The following FAM13B variants were observed in gnomAD, a reference collection of about 807,000 sequenced individuals.
FAM13B encodes family with sequence similarity 13 member B, also known as protein FAM13B.
Under a neutral mutation model 117.3 loss-of-function variants are expected in FAM13B, and 60 were observed. The observed-to-expected ratio is 0.51, with a 90% CI of 0.42 to 0.63. FAM13B has a LOEUF of 0.63. Among genes scored for constraint, FAM13B ranks in the 30% least tolerant of loss-of-function variants. The probability of loss-of-function intolerance (pLI) is 0.00; values close to 1 mark genes in which losing one functional copy is unlikely to be tolerated. For missense variants in FAM13B, 972 were observed against 1,091.9 expected (o/e 0.89, Z 1.55); for synonymous variants, 332 against 356.1 (o/e 0.93, Z 0.76).
intron 5 of FAM13B, among the ~76,000 whole-genome samples, chr5:138,011,475 T>C (rs1454060802): frequency 1.3e-5 from 2 of 151,964 alleles, no homozygotes; most frequent in African/African-American, 2.4e-5. Context: ...CTGGAGTGCA[T>C]TGGCGCGATC....
intron 5 of FAM13B, among the ~76,000 whole-genome samples, chr5:138,011,424 T>C (rs1783972895): frequency 6.7e-6 from 1 of 148,296 alleles, no homozygotes; most frequent in Admixed American, 6.8e-5. Flanking sequence ...TAATTTTTCT[T>C]TTTTTTTTTT....
intron 10 of FAM13B, among the ~76,000 whole-genome samples, chr5:137,980,176 GAAAAA>G (rs528372296): frequency 2.6e-5 from 3 of 114,018 alleles, no homozygotes; most frequent in Admixed American, 1.8e-4. Flanking sequence ...TCCGTCTCAA[GAAAAA>G]AAAAAAAAAG....
At chr5:138,030,714 C>A (rs948396448) in intron 1 of FAM13B, among the ~76,000 whole-genome samples, 3 of 138,668 alleles carry the variant, frequency 2.2e-5, no homozygotes, top group South Asian at 2.5e-4. Context: ...AACTCCGTCC[C>A]CCCCCCCCAA....
chr5:137,984,320 C>T lies in FAM13B; in HGVS notation c.1179+937G>A, dbSNP rs143890819. 2.6e-3 allele frequency among the ~76,000 whole-genome samples: 401 copies of T among 152,326 alleles called. 2 individuals carry two copies. The highest frequency in any genetic ancestry group is 4.4e-3 in the Non-Finnish European group (301 of 68,028). On this transcript the variant is annotated intron_variant, in intron 10 of 23. Coordinates refer to ENST00000689681, the MANE Select transcript of FAM13B (RefSeq NM_001385994.1). ...CTCCATTTCTACGGGTGTCTCCTCT[C>T]TGTACGAGCAAGAGAAAGATGACTC...
Position 137,960,195 on chromosome 5 carries a change from C to A in FAM13B, c.1264G>T (p.Asp422Tyr). ...CLEREEYLLF[D>Y]SDKLSHLILD... is the part of the protein sequence containing the mutation. ...ATCAAGTGTGACAATTTATCACTGT[C>A]AAATAACAAATATTCTTCCCTAAAA... The change falls in exon 12 of 24, where the codon GAC becomes TAC. Residue 422 changes from aspartate (D) to tyrosine (Y), a missense_variant. Physicochemically the swap from Asp to Tyr is radical, Grantham distance 160 (BLOSUM62 -3). Transcript: ENST00000689681. 6.6e-7 allele frequency: 1 copy of A among 1,524,376 alleles called. No homozygotes were observed. Among genetic ancestry groups the A allele is most frequent in the Non-Finnish European group, 9.0e-7 (1 of 1,113,688 alleles). The allele number at this position is 1,524,376 out of a possible 1,614,324, so 94.4% of individuals were successfully genotyped here.
chr5:137,986,685 G>C (rs575999737), intron 9 of FAM13B, among the ~76,000 whole-genome samples: 2 of 152,232 alleles, frequency 1.3e-5, no homozygotes, highest in East Asian at 3.9e-4. Flanking sequence ...TTTCAGATTT[G>C]TTTTGTTTGT....
chr5:137,960,127 G>T (rs952366707), intron 12 of FAM13B, 39 bp downstream of exon 12: 2 of 1,249,052 alleles, frequency 1.6e-6, no homozygotes, highest in South Asian at 2.6e-5. Context: ...TTAAACCTAG[G>T]CAAGTTTTTA....
chr5:138,026,881 G>A (rs577128655), intron 1 of FAM13B, among the ~76,000 whole-genome samples: 2 of 151,684 alleles, frequency 1.3e-5, no homozygotes, highest in Admixed American at 1.3e-4. Context: ...GGAGGTTACA[G>A]TGAGCCGAGA....
At chr5:137,945,602 C>G (rs1256959454) in intron 20 of FAM13B, among the ~76,000 whole-genome samples, 1 of 152,200 alleles carries the variant, frequency 6.6e-6, no homozygotes, top group Non-Finnish European at 1.5e-5. Context: ...TTAGGCACAT[C>G]ACTCACTGCC....
At chr5:138,001,885 T>C (rs1781351420) in intron 7 of FAM13B, among the ~76,000 whole-genome samples, 1 of 152,086 alleles carries the variant, frequency 6.6e-6, no homozygotes, top group South Asian at 2.1e-4. Flanking sequence ...TAAAGAATTT[T>C]GTTATGGCCA....
At chr5:137,969,479 C>T (rs1771307535) in intron 10 of FAM13B, among the ~76,000 whole-genome samples, 1 of 152,090 alleles carries the variant, frequency 6.6e-6, no homozygotes, top group Non-Finnish European at 1.5e-5. Flanking sequence ...TCATCAAAGG[C>T]CAAAGGTAGA....
chr5:138,035,007 T>TTTTTTC (rs1790991251), upstream of FAM13B, among the ~76,000 whole-genome samples: 1 of 99,584 alleles, frequency 1.0e-5, no homozygotes, highest in African/African-American at 3.7e-5. Flanking sequence ...TTTTTTTTTT[T>TTTTTTC]TTTTTTTTTT....
intron 10 of FAM13B, among the ~76,000 whole-genome samples, chr5:137,963,105 C>T (rs1345244644): frequency 6.6e-6 from 1 of 152,148 alleles, no homozygotes; most frequent in Non-Finnish European, 1.5e-5. Context: ...TTCCTAGACT[C>T]TCTGATTCTT....
intron 9 of FAM13B, among the ~76,000 whole-genome samples, chr5:137,985,657 C>G (rs768999967): frequency 6.6e-6 from 1 of 151,960 alleles, no homozygotes; most frequent in African/African-American, 2.4e-5. Context: ...ATTTATGGGC[C>G]GAAATAATCA....
intron 7 of FAM13B, among the ~76,000 whole-genome samples, chr5:137,993,467 T>C (rs1779138980): frequency 6.6e-6 from 1 of 151,936 alleles, no homozygotes; most frequent in African/African-American, 2.4e-5. Flanking sequence ...TCTATTTTTT[T>C]AATTAAAAAA....
intron 1 of FAM13B, among the ~76,000 whole-genome samples, chr5:138,030,258 G>A (rs1789541828): frequency 6.6e-6 from 1 of 151,952 alleles, no homozygotes; most frequent in South Asian, 2.1e-4. Flanking sequence ...TTCTTGTTTT[G>A]TTTTTTGAGA....
Position 138,025,315 on chromosome 5 carries a change from T to TA in FAM13B, c.-202-4119_-202-4118insT, listed in dbSNP as rs1561544114. On this transcript the variant is annotated intron_variant, in intron 1 of 23. Coordinates refer to ENST00000689681, the MANE Select transcript of FAM13B (RefSeq NM_001385994.1). ...TATATATATATATATATATATGTAT[T>TA]TTTTTTTTTTTTTTTTTTGAGTTGA... Among the ~76,000 whole-genome samples the TA allele has an allele frequency of 1.2e-4, 11 of 92,560 alleles. No homozygotes were observed. The South Asian group carries it at 2.8e-3, about 23-fold the overall frequency. 60.7% of individuals were successfully genotyped at this position (92,560 alleles called of 152,430 possible).
chr5:137,958,945 C>T (rs532287078), intron 13 of FAM13B, among the ~76,000 whole-genome samples: 1 of 152,222 alleles, frequency 6.6e-6, no homozygotes, highest in African/African-American at 2.4e-5. Flanking sequence ...TGCAAATCAT[C>T]CACTGAAGTT....
chr5:138,003,714 T>C (rs1335339981), intron 7 of FAM13B, among the ~76,000 whole-genome samples: 1 of 152,006 alleles, frequency 6.6e-6, no homozygotes, highest in Non-Finnish European at 1.5e-5. Flanking sequence ...TAACTAAATT[T>C]AGGGCAGACC....
Sources: allele counts gnomAD v4.1 joint callset (sites outside exome capture counted in the v4.1 genomes callset), GRCh38; gene constraint gnomAD v4.1.1; transcripts MANE v1.5; gene names NCBI Gene and HGNC (gene_info 2026-07-23, HGNC 2026-07-21).